DNAH5: variants seen among roughly 807,000 people sequenced by gnomAD.
The protein encoded by DNAH5 is dynein axonemal heavy chain 5.
A neutral mutation model predicts 518.2 loss-of-function variants in DNAH5; 372 were observed. The observed-to-expected ratio is 0.72, with a 90% CI of 0.66 to 0.78. The LOEUF (loss-of-function observed/expected upper bound fraction) is 0.78, where lower values mean the gene tolerates loss of function less well. DNAH5 is among the 30% of genes least tolerant of loss of function. DNAH5 has a pLI of 0.00. For synonymous variants in DNAH5, 2,039 were observed against 2,025.9 expected (o/e 1.01, Z -0.17); for missense variants, 5,523 against 5,687.0 (o/e 0.97, Z 0.93).
At chr5:13,757,820 A>G (rs746548903) in intron 61 of DNAH5, among the ~76,000 whole-genome samples, 4 of 152,224 alleles carry the variant, frequency 2.6e-5, no homozygotes, top group Non-Finnish European at 5.9e-5. Flanking sequence ...TCTTTAAGAC[A>G]TTATATCATA....
intron 59 of DNAH5, 29 bp downstream of exon 59, chr5:13,765,947 T>A (rs1752454666): frequency 6.2e-7 from 1 of 1,606,794 alleles, no homozygotes; most frequent in Admixed American, 1.7e-5. Context: ...ATGAGTTCCC[T>A]CTTAGCCCAT....
At chr5:13,719,324 C>T (rs1025134139) in intron 71 of DNAH5, among the ~76,000 whole-genome samples, 1 of 151,912 alleles carries the variant, frequency 6.6e-6, no homozygotes, top group African/African-American at 2.4e-5. Context: ...GCAATTGTAC[C>T]AATACTATAT....
At chr5:13,996,946 T>C (rs1361927102) in intron 1 of DNAH5, among the ~76,000 whole-genome samples, 1 of 152,252 alleles carries the variant, frequency 6.6e-6, no homozygotes, top group African/African-American at 2.4e-5. Flanking sequence ...TCTGTGGTGG[T>C]CCTGCCCCTG....
In DNAH5 at chr5:13,920,558, G is replaced by A. The variant is rs1320506969; in HGVS notation, c.720C>T (p.Tyr240=). 1.2e-6 allele frequency: 2 copies of A among 1,614,126 alleles called. No homozygotes were observed. Among genetic ancestry groups the A allele is most frequent in the African/African-American group, 1.3e-5 (1 of 75,050 alleles). The change falls in exon 6 of 79, where the codon TAC becomes TAT. Residue 240 remains tyrosine (Y), a synonymous_variant. Transcript: ENST00000265104. The part of the protein sequence containing the change: ...ELKTLKEPTD[Y]LTLANNPETL... ...TCTCAGGGTTATTTGCTAGAGTCAAGTAGTCCGTAGGTTCCTTTAGGGTTT... is the reference window on the plus strand; with the variant it reads ...TCTCAGGGTTATTTGCTAGAGTCAAATAGTCCGTAGGTTCCTTTAGGGTTT...
chr5:13,793,447 A>G (rs1580273262), intron 49 of DNAH5, 68 bp downstream of exon 49: 3 of 1,395,206 alleles, frequency 2.2e-6, no homozygotes, highest in East Asian at 4.6e-5. Flanking sequence ...TTGGGTGAAG[A>G]TTTTCAAAAA....
intron 33 of DNAH5, 88 bp downstream of exon 33, chr5:13,841,604 T>C: frequency 9.8e-7 from 1 of 1,022,902 alleles, no homozygotes; most frequent in Admixed American, 1.9e-5. Flanking sequence ...AGTTAAATTA[T>C]AGCCATTTTT....
rs1476904401 is a variant in DNAH5, at chr5:13,830,774, A to T, written c.5884T>A (p.Cys1962Ser). The change falls in exon 36 of 79, where the codon TGT (cysteine) becomes AGT (serine). Residue 1962 changes from cysteine (C) to serine (S), a missense_variant and splice_region_variant. By Grantham distance (112) the Cys-to-Ser change is moderately radical. Transcript: ENST00000265104. Reference sequence around the variant, plus strand: ...AGAGCTTGAGCCAGCGTGATGTAACATCTGCATGGGTAGAAACATCACTAG... The same window carrying T: ...AGAGCTTGAGCCAGCGTGATGTAACTTCTGCATGGGTAGAAACATCACTAG... ...RLVITPLTDR[C>S]YITLAQALGM... 3 of 1,614,098 alleles carry T rather than the reference A, an allele frequency of 1.9e-6. No homozygotes were observed.
At chr5:13,758,674 T>C (rs1751345541) in intron 61 of DNAH5, among the ~76,000 whole-genome samples, 172 bp downstream of exon 61, 1 of 152,220 alleles carries the variant, frequency 6.6e-6, no homozygotes, top group Non-Finnish European at 1.5e-5. Context: ...GTTCCAGCAC[T>C]GACAGCCATC....
intron 68 of DNAH5, 106 bp from the exon 69 acceptor site, chr5:13,729,666 CTTT>C: frequency 2.1e-6 from 2 of 973,882 alleles, no homozygotes; most frequent in Non-Finnish European, 1.5e-6. Context: ...ACTACTTTCA[CTTT>C]TTTAAGCACA....
At chr5:13,908,655 T>A (rs901863992) in intron 12 of DNAH5, among the ~76,000 whole-genome samples, 2 of 152,172 alleles carry the variant, frequency 1.3e-5, no homozygotes, top group South Asian at 4.1e-4. Flanking sequence ...CTTTACTAAG[T>A]AGTGCCTTCT....
At chr5:14,002,564 T>C (rs1014838899) in intron 1 of DNAH5, among the ~76,000 whole-genome samples, 1 of 152,196 alleles carries the variant, frequency 6.6e-6, no homozygotes, top group Non-Finnish European at 1.5e-5. Context: ...GTTTAAATAG[T>C]ATTCTGTAAA....
chr5:13,997,720 C>T (rs1784061146), intron 1 of DNAH5, among the ~76,000 whole-genome samples: 1 of 152,236 alleles, frequency 6.6e-6, no homozygotes, highest in South Asian at 2.1e-4. Flanking sequence ...TCCACATTTT[C>T]AGGTATTTGT....
chr5:13,913,163 G>T (rs2151980052), intron 11 of DNAH5, among the ~76,000 whole-genome samples: 1 of 152,120 alleles, frequency 6.6e-6, no homozygotes, highest in African/African-American at 2.4e-5. Flanking sequence ...CAAATTGTTT[G>T]TAAATTGTTT....
chr5:13,804,833 T>C (rs987067833), intron 47 of DNAH5, among the ~76,000 whole-genome samples: 1 of 152,246 alleles, frequency 6.6e-6, no homozygotes, highest in Non-Finnish European at 1.5e-5. Context: ...GTTTATGAAT[T>C]TGTATATCAA....
chr5:13,894,886 T>C, intron 15 of DNAH5, 65 bp from the exon 16 acceptor site: 1 of 1,560,154 alleles, frequency 6.4e-7, no homozygotes, highest in Non-Finnish European at 8.8e-7. Context: ...TAATATCTCA[T>C]GTCTTATACA....
intron 47 of DNAH5, among the ~76,000 whole-genome samples, chr5:13,796,852 G>C (rs931399795): frequency 6.6e-6 from 1 of 152,218 alleles, no homozygotes; most frequent in African/African-American, 2.4e-5. Context: ...CCAAAACAGA[G>C]AGATAGACCA....
At chr5:13,980,306 G>T (rs1782582902) in intron 1 of DNAH5, among the ~76,000 whole-genome samples, 1 of 152,028 alleles carries the variant, frequency 6.6e-6, no homozygotes, top group Non-Finnish European at 1.5e-5. Flanking sequence ...TAACCCCCCA[G>T]GTGACACCAG....
At chr5:13,779,664 A>C (rs1411087142) in intron 53 of DNAH5, among the ~76,000 whole-genome samples, 1 of 152,112 alleles carries the variant, frequency 6.6e-6, no homozygotes, top group Non-Finnish European at 1.5e-5. Flanking sequence ...TGTGCTAATT[A>C]TGCTTTCTCC....
At chr5:13,985,430 A>AATATATACAT (rs1395996357) in intron 1 of DNAH5, among the ~76,000 whole-genome samples, 5 of 127,332 alleles carry the variant, frequency 3.9e-5, no homozygotes, top group African/African-American at 1.4e-4. Flanking sequence ...AGTATAATAA[A>AATATATACAT]ATATATATAT....
Sources: allele counts gnomAD v4.1 joint callset (sites outside exome capture counted in the v4.1 genomes callset), GRCh38; gene constraint gnomAD v4.1.1; transcripts MANE v1.5; gene names NCBI Gene and HGNC (gene_info 2026-07-23, HGNC 2026-07-21).